Variants in USP39 observed in about 807,000 individuals in gnomAD.
USP39 encodes the protein ubiquitin carboxyl-terminal hydrolase 39.
USP39 carries 38 observed loss-of-function variants against 66.4 expected under a neutral mutation model. The observed-to-expected ratio is 0.57, with a 90% CI of 0.44 to 0.75. The LOEUF (loss-of-function observed/expected upper bound fraction) is 0.75, where lower values mean the gene tolerates loss of function less well. Among genes scored for constraint, USP39 ranks in the 30% least tolerant of loss-of-function variants. USP39 has a pLI of 0.00. For synonymous variants in USP39, 303 were observed against 274.6 expected (o/e 1.10, Z -1.02); for missense variants, 608 against 714.4 (o/e 0.85, Z 1.70).
At chr2:85,642,288 G>A (rs1053080014) in intron 10 of USP39, among the ~76,000 whole-genome samples, 1 of 152,152 alleles carries the variant, frequency 6.6e-6, no homozygotes, top group Non-Finnish European at 1.5e-5. Flanking sequence ...TTAAATGGGG[G>A]GACATGGAGG....
chr2:85,629,687 G>A (rs1363797978), intron 5 of USP39, among the ~76,000 whole-genome samples: 1 of 147,168 alleles, frequency 6.8e-6, no homozygotes, highest in Admixed American at 6.8e-5. Flanking sequence ...AGTAGAGACG[G>A]GGTTTCACCA....
chr2:85,616,553 C>T (rs1181696741), intron 1 of USP39, 90 bp downstream of exon 1: 2 of 136,876 alleles, frequency 1.5e-5, no homozygotes, highest in Non-Finnish European at 1.2e-5. Flanking sequence ...GTCACTGCGC[C>T]GGAGTTGGGG....
chr2:85,638,395 G>A (rs1166443082), intron 8 of USP39, among the ~76,000 whole-genome samples: 2 of 151,562 alleles, frequency 1.3e-5, no homozygotes, highest in African/African-American at 4.9e-5. Context: ...GTGTGGTGGC[G>A]TGATTATGGT....
chr2:85,619,800 C>A (rs1183038538), intron 2 of USP39, among the ~76,000 whole-genome samples: 1 of 151,844 alleles, frequency 6.6e-6, no homozygotes, highest in Non-Finnish European at 1.5e-5. Context: ...CAGGCCAAGG[C>A]AGGAGGATCC....
At chr2:85,613,676 G>A (rs72843877), upstream of USP39, among the ~76,000 whole-genome samples, 8,748 of 151,488 alleles carry the variant, frequency 0.058, 371 homozygotes, top group Non-Finnish European at 0.093. Context: ...ACTCTAGGAA[G>A]TGCAAACTAA....
At chr2:85,640,936 A>G in intron 9 of USP39, 40 bp from the exon 10 acceptor site, 1 of 1,570,804 alleles carries the variant, frequency 6.4e-7, no homozygotes, top group Non-Finnish European at 8.6e-7. Context: ...ATACTACTGA[A>G]CTTCAGCACT....
intron 6 of USP39, 69 bp from the exon 7 acceptor site, chr2:85,635,974 GAATGCCAACC>G: frequency 3.6e-6 from 5 of 1,377,558 alleles, no homozygotes; most frequent in Non-Finnish European, 5.2e-6. Flanking sequence ...GGAGAACCAG[GAATGCCAACC>G]AGTGCATGGT....
intron 7 of USP39, 148 bp from the exon 8 acceptor site, chr2:85,637,221 G>A: frequency 2.7e-6 from 2 of 742,018 alleles, no homozygotes; most frequent in East Asian, 2.7e-5. Context: ...GTGGTATATA[G>A]TACAAAAGGA....
At chr2:85,622,376 G>A (rs188013021) in intron 3 of USP39, among the ~76,000 whole-genome samples, 335 of 151,920 alleles carry the variant, frequency 2.2e-3, no homozygotes, top group Non-Finnish European at 3.5e-3. Context: ...ATACTCCTCA[G>A]CCTCCCAAAG....
chr2:85,638,772 G>C (rs1389919887), intron 8 of USP39, among the ~76,000 whole-genome samples: 1 of 151,784 alleles, frequency 6.6e-6, no homozygotes, highest in Non-Finnish European at 1.5e-5. Context: ...CCTGACCTCA[G>C]GTGATCTACC....
upstream of USP39, among the ~76,000 whole-genome samples, chr2:85,615,726 G>C (rs1157485827): frequency 6.6e-6 from 1 of 152,186 alleles, no homozygotes; most frequent in Non-Finnish European, 1.5e-5. Context: ...CGCCTCCTGG[G>C]TTCAAGCGAT....
chr2:85,632,578 G>C (rs1005236777), intron 6 of USP39, among the ~76,000 whole-genome samples: 1 of 151,438 alleles, frequency 6.6e-6, no homozygotes, highest in African/African-American at 2.4e-5. Context: ...CTCCCAAGTA[G>C]CTGGGCCTAC....
rs777409210 is a variant in USP39, at chr2:85,641,008, G to A, written c.1317G>A (p.Lys439=). ...AGACTTACAAGGAGAACTTTCTGAA[G>A]CGCTTCCAGCTTACCAAGTTGCCTC... ...EYKTYKENFL[K]RFQLTKLPPY... The change falls in exon 10 of 13, where the codon AAG becomes AAA. Residue 439 remains lysine (K), a synonymous_variant. Transcript: ENST00000323701. 45 of 1,612,162 alleles carry A rather than the reference G, an allele frequency of 2.8e-5. No homozygotes were observed. The highest frequency in any genetic ancestry group is 3.3e-4 in the Middle Eastern group (2 of 6,032).
chr2:85,617,807 C>T (rs1473001549), intron 1 of USP39, among the ~76,000 whole-genome samples: 1 of 152,204 alleles, frequency 6.6e-6, no homozygotes, highest in African/African-American at 2.4e-5. Flanking sequence ...CTCTAATAAA[C>T]TGTCCTTTAT....
Position 85,630,433 on chromosome 2 carries a change from T to C in USP39, c.724-288T>C, listed in dbSNP as rs529861313. On this transcript the variant is annotated intron_variant, in intron 5 of 12. Coordinates refer to ENST00000323701, the MANE Select transcript of USP39 (RefSeq NM_006590.4). ...AACAAAAGGAAATTGTTGAATAAGT[T>C]GATAGAGATTTGAATACCTGTGTTT... Among the ~76,000 whole-genome samples, 18 of 152,332 alleles carry C rather than the reference T, an allele frequency of 1.2e-4. No individual in the cohort carries two copies. In the East Asian group the frequency reaches 3.1e-3, roughly 26 times the overall value.
chr2:85,633,430 A>G (rs565670079), intron 6 of USP39, among the ~76,000 whole-genome samples: 1 of 152,180 alleles, frequency 6.6e-6, no homozygotes, highest in African/African-American at 2.4e-5. Flanking sequence ...GCCTCATTGA[A>G]GGCTTTTAAC....
Position 85,616,239 on chromosome 2 carries a change from G to A in USP39, c.44G>A (p.Gly15Glu). 1 of 1,493,802 alleles carries A rather than the reference G, an allele frequency of 6.7e-7. No individual in the cohort carries two copies. The highest frequency in any genetic ancestry group is 8.9e-7 in the Non-Finnish European group (1 of 1,119,886). 92.5% of individuals were successfully genotyped at this position (1,493,802 alleles called of 1,614,324 possible). A position where few individuals can be genotyped will look rare whatever the true frequency, so the allele number is the denominator to read the frequency against. ...CGGGAGTCTCGCGGTTCCACTCGCG[G>A]GAAGCGAGAGTCTGAGTCGCGGGGC... ...SKRESRGSTRGKRESESRGSS... is the reference protein window; with the variant it reads ...SKRESRGSTREKRESESRGSS... The change falls in exon 1 of 13, where the codon GGG becomes GAG. Residue 15 changes from glycine (G) to glutamate (E), a missense_variant. Physicochemically the swap from Gly to Glu is moderately conservative, Grantham distance 98 (BLOSUM62 -2). Around this residue, in one of 6 missense-constraint regions of USP39, gnomAD observed 207 missense variants for 145.7 expected, o/e 1.42. Transcript: ENST00000323701.
At chr2:85,621,747 C>T (rs1674480601) in intron 3 of USP39, among the ~76,000 whole-genome samples, 168 bp downstream of exon 3, 2 of 152,012 alleles carry the variant, frequency 1.3e-5, no homozygotes, top group Non-Finnish European at 2.9e-5. Flanking sequence ...CTGGTCAGAA[C>T]CTGGATATGT....
At chr2:85,621,621 G>A (rs1674464590) in intron 3 of USP39, 42 bp downstream of exon 3, 15 of 1,442,570 alleles carry the variant, frequency 1.0e-5, no homozygotes, top group Non-Finnish European at 1.3e-5. Flanking sequence ...TGCTCCAGAG[G>A]GACTTTTTTT....
Sources: gnomAD v4.1 joint callset for allele counts (sites outside exome capture counted in the v4.1 genomes callset) on GRCh38, gnomAD v4.1.1 for gene constraint, gnomAD v4.1.1 regional missense constraint, MANE v1.5 for transcripts, NCBI Gene and HGNC (gene_info 2026-07-23, HGNC 2026-07-21) for gene names.